Variants in ZNF268 observed in about 807,000 individuals in gnomAD.
The protein encoded by ZNF268 is zinc finger protein 3.
In ZNF268, 20 loss-of-function variants were observed where a neutral mutation model predicts 29.3. The observed-to-expected ratio is 0.68, with a 90% CI of 0.48 to 0.99. The LOEUF (loss-of-function observed/expected upper bound fraction) is 0.99. ZNF268 is among the 50% of genes least tolerant of loss of function. The pLI is 0.00. For missense variants in ZNF268, 1,240 were observed against 1,121.6 expected (o/e 1.11, Z -1.51); for synonymous variants, 429 against 376.9 (o/e 1.14, Z -1.60).
chr12:133,195,111 C>T (rs954637751), intron 5 of ZNF268, among the ~76,000 whole-genome samples: 6 of 152,238 alleles, frequency 3.9e-5, no homozygotes, highest in African/African-American at 1.2e-4. Context: ...CTGGTTTACA[C>T]TGTTGGCCTT....
intron 4 of ZNF268, 80 bp from the exon 5 acceptor site, chr12:133,191,828 A>C (rs1286537813): frequency 6.4e-7 from 1 of 1,561,754 alleles, no homozygotes; most frequent in Non-Finnish European, 8.8e-7. Flanking sequence ...GCTACCTCCA[A>C]ACCAAATCTT....
Position 133,211,275 on chromosome 12 carries a change from T to C in ZNF268, c.*6745T>C, listed in dbSNP as rs1289911331. On this transcript the variant is annotated 3_prime_UTR_variant, in exon 6 of 6. Coordinates refer to ENST00000536435, the MANE Select transcript of ZNF268 (RefSeq NM_003415.3). ...AAAAATGGGGACAGATCCAAATACA[T>C]ACTTTCCAAAGATATACAGATGGTG... 3.4e-5 allele frequency: 12 copies of C among 351,398 alleles called. No homozygotes were observed. The East Asian group carries it at 9.0e-4, about 26-fold the overall frequency. 21.8% of individuals were successfully genotyped at this position (351,398 alleles called of 1,614,324 possible). A position where few individuals can be genotyped will look rare whatever the true frequency, so the allele number is the denominator to read the frequency against.
chr12:133,189,789 AT>A (rs1445584921), intron 3 of ZNF268, among the ~76,000 whole-genome samples: 1 of 152,130 alleles, frequency 6.6e-6, no homozygotes, highest in African/African-American at 2.4e-5. Context: ...TTTAATAGAT[AT>A]GTAATAATTA....
Position 133,187,852 on chromosome 12 carries a change from AT to A in ZNF268, c.34-17del. Reference sequence around the variant, plus strand: ...AAGGAAATAATGCTCGCTAAAGTAAATTTGCTCTTGAGTCCACAGGTCCCAC... The same window carrying A: ...AAGGAAATAATGCTCGCTAAAGTAAATTGCTCTTGAGTCCACAGGTCCCAC... On this transcript the variant is annotated intron_variant, in intron 2 of 5. Coordinates refer to ENST00000536435, the MANE Select transcript of ZNF268 (RefSeq NM_003415.3). 6.4e-7 allele frequency: 1 copy of A among 1,568,208 alleles called. No homozygotes were observed. Among genetic ancestry groups the A allele is most frequent in the Non-Finnish European group, 8.7e-7 (1 of 1,155,906 alleles).
At position 133,211,024 on chromosome 12, in the gene ZNF268, G is replaced by C; in HGVS notation, c.*6494G>C. 3 of 455,970 alleles carry C rather than the reference G, an allele frequency of 6.6e-6. No homozygotes were observed. Among genetic ancestry groups the C allele is most frequent in the Non-Finnish European group, 1.3e-5 (3 of 226,780 alleles). 28.2% of individuals were successfully genotyped at this position (455,970 alleles called of 1,614,324 possible). A position where few individuals can be genotyped will look rare whatever the true frequency, so the allele number is the denominator to read the frequency against. ...TGCCATAATTTTGGAAAACGAAACTGAAATAGAGTCCATCATTCCATGCCT... is the reference window on the plus strand; with the variant it reads ...TGCCATAATTTTGGAAAACGAAACTCAAATAGAGTCCATCATTCCATGCCT... On this transcript the variant is annotated 3_prime_UTR_variant, in exon 6 of 6. Transcript: ENST00000536435.
In ZNF268 at chr12:133,202,537, C is replaced by A; in HGVS notation, c.851C>A (p.Ala284Asp). 1 of 1,611,638 alleles carries A rather than the reference C, an allele frequency of 6.2e-7. No individual in the cohort carries two copies. Among genetic ancestry groups the A allele is most frequent in the Non-Finnish European group, 8.5e-7 (1 of 1,178,792 alleles). ...KPFGCSCCEKAFSSKSYLLVH... is the reference protein window; with the variant it reads ...KPFGCSCCEKDFSSKSYLLVH... ...TTTGGATGCAGCTGTTGTGAGAAAG[C>A]CTTCAGCAGCAAGTCATACCTTCTA... The change falls in exon 6 of 6, where the codon GCC becomes GAC. Residue 284 changes from alanine to aspartate, a missense_variant. Ala to Asp is a moderately radical substitution (Grantham distance 126). Transcript: ENST00000536435.
At chr12:133,196,238 C>T (rs1302366910) in intron 5 of ZNF268, among the ~76,000 whole-genome samples, 2 of 126,474 alleles carry the variant, frequency 1.6e-5, no homozygotes. Context: ...AGGAGAATTG[C>T]TTGAACCTAG....
rs1956868527 is a variant in ZNF268 at position 133,205,143 on chromosome 12, C to CT, written c.*614dup. ...TTAACCTCACCTTAGAAGCTTCATTCTAAAAAAAAAAAAAAAAAAAAAAAA... is the reference window on the plus strand; with the variant it reads ...TTAACCTCACCTTAGAAGCTTCATTCTTAAAAAAAAAAAAAAAAAAAAAAAA... On this transcript the variant is annotated 3_prime_UTR_variant, in exon 6 of 6. Coordinates refer to ENST00000536435, the MANE Select transcript of ZNF268 (RefSeq NM_003415.3). 3.7e-5 allele frequency: 1 copy of CT among 27,076 alleles called. No homozygotes were observed. The highest frequency in any genetic ancestry group is 9.6e-5 in the African/African-American group (1 of 10,368). The allele number at this position is 27,076 out of a possible 1,614,324, so 1.7% of individuals were successfully genotyped here.
At position 133,204,235 on chromosome 12, in the gene ZNF268, G is replaced by A. The variant is rs1345176774; in HGVS notation, c.2549G>A (p.Arg850His). 28 of 1,542,532 alleles carry A rather than the reference G, an allele frequency of 1.8e-5. No homozygotes were observed. The highest frequency in any genetic ancestry group is 4.9e-5 in the East Asian group (2 of 41,008). ...GAGAAATCCTTCAGTGGGAAATTACGCCTTCTTGTACACCAGAGAATGCAC... is the reference window on the plus strand; with the variant it reads ...GAGAAATCCTTCAGTGGGAAATTACACCTTCTTGTACACCAGAGAATGCAC... ...QCEKSFSGKL[R>H]LLVHQRMHTR... Residue 850 changes from arginine (R) to histidine (H), a missense_variant, in exon 6 of 6, where the codon CGC becomes CAC. Coordinates refer to ENST00000536435, the MANE Select transcript of ZNF268 (RefSeq NM_003415.3).
At chr12:133,200,923 A>G (rs1057321065) in intron 5 of ZNF268, among the ~76,000 whole-genome samples, 9 of 152,142 alleles carry the variant, frequency 5.9e-5, no homozygotes, top group Admixed American at 3.3e-4. Flanking sequence ...CCTTCCCACC[A>G]TATACACACT....
intron 1 of ZNF268, 101 bp from the exon 2 acceptor site, chr12:133,181,845 C>T (rs1263743192): frequency 4.1e-6 from 3 of 735,072 alleles, no homozygotes; most frequent in Non-Finnish European, 4.7e-6. Context: ...GAAGGAGCCT[C>T]AGCTCCGAGA....
rs145674113 is a variant in ZNF268 at position 133,203,186 on chromosome 12, T to A, written c.1500T>A (p.Tyr500Ter). Residue 500 changes from tyrosine (Y) to a stop codon, truncating the protein, a stop_gained, in exon 6 of 6, where the codon TAT becomes TAA. Coordinates refer to ENST00000536435, the MANE Select transcript of ZNF268 (RefSeq NM_003415.3). LOFTEE classifies it low-confidence loss of function (END_TRUNC). ...GAAGTCACACAGGAATGAAACCTTA[T>A]GTATGCAATGAATGTGGCAAAGCCT... is the stretch of plus-strand genomic sequence containing the variant. ...HQRSHTGMKP[Y>*]VCNECGKAFR... The A allele has an allele frequency of 6.5e-7, 1 of 1,537,834 alleles. No individual in the cohort carries two copies. Among genetic ancestry groups the A allele is most frequent in the Non-Finnish European group, 8.7e-7 (1 of 1,146,832 alleles).
In ZNF268 at chr12:133,210,973, C is replaced by T. The variant is rs1484315992; in HGVS notation, c.*6443C>T. 2.2e-6 allele frequency: 1 copy of T among 455,908 alleles called. No homozygotes were observed. Among genetic ancestry groups the T allele is most frequent in the African/African-American group, 2.0e-5 (1 of 50,040 alleles). The allele number at this position is 455,908 out of a possible 1,614,324, so 28.2% of individuals were successfully genotyped here. ...CCCCTCTTGCAGTCCCAGTGAACCC[C>T]TGAAATTCAATCTTACGATTTTCCA... On this transcript the variant is annotated 3_prime_UTR_variant, in exon 6 of 6. Transcript: ENST00000536435.
intron 3 of ZNF268, among the ~76,000 whole-genome samples, chr12:133,188,472 C>T (rs73163697): frequency 0.078 from 11,856 of 152,214 alleles, 1,548 homozygotes; most frequent in African/African-American, 0.27. Context: ...GCTGGGATGA[C>T]AGTCATGAGC....
At chr12:133,194,024 A>G (rs1385642824) in intron 5 of ZNF268, among the ~76,000 whole-genome samples, 1 of 151,982 alleles carries the variant, frequency 6.6e-6, no homozygotes, top group African/African-American at 2.4e-5. Flanking sequence ...TGTTGTTAGC[A>G]TTTTGTTCCT....
At chr12:133,186,896 C>T (rs1033349028) in intron 2 of ZNF268, among the ~76,000 whole-genome samples, 4 of 152,196 alleles carry the variant, frequency 2.6e-5, no homozygotes, top group African/African-American at 9.7e-5. Flanking sequence ...AATCCCACTT[C>T]TTTTTTGTAA....
In ZNF268 at chr12:133,199,994, A is replaced by C. The variant is rs1172203086; in HGVS notation, c.458-2150A>C. Among the ~76,000 whole-genome samples, 11 of 152,066 alleles carry C rather than the reference A, an allele frequency of 7.2e-5. No individual in the cohort carries two copies. In the South Asian group the frequency reaches 1.2e-3, roughly 17 times the overall value. On this transcript the variant is annotated intron_variant, in intron 5 of 5. Transcript: ENST00000536435. ...AAAAAACCAGCTCCTGGATTCATTA[A>C]TTTTTTTGAAGGGTTTTTGTGTCTC...
rs896466372 is a variant in ZNF268, at chr12:133,205,763, A to T, written c.*1233A>T. ...ATCTATTCTACCTTCACAGGTTAGA[A>T]CATCTTGATTTCCTCTTAACGAAAC... is the stretch of plus-strand genomic sequence containing the variant. On this transcript the variant is annotated 3_prime_UTR_variant, in exon 6 of 6. Coordinates refer to ENST00000536435, the MANE Select transcript of ZNF268 (RefSeq NM_003415.3). The T allele has an allele frequency of 2.6e-5, 4 of 152,164 alleles. No homozygotes were observed. The highest frequency in any genetic ancestry group is 4.4e-5 in the Non-Finnish European group (3 of 68,026). The allele number at this position is 152,164 out of a possible 1,614,324, so 9.4% of individuals were successfully genotyped here. A position where few individuals can be genotyped will look rare whatever the true frequency, so the allele number is the denominator to read the frequency against.
intron 2 of ZNF268, among the ~76,000 whole-genome samples, chr12:133,183,859 AAAGT>A (rs1405434693): frequency 6.6e-6 from 1 of 152,218 alleles, no homozygotes; most frequent in Non-Finnish European, 1.5e-5. Context: ...GAACCCAAGA[AAAGT>A]AAGACAAAAT....
Sources: allele counts gnomAD v4.1 joint callset (sites outside exome capture counted in the v4.1 genomes callset), GRCh38; gene constraint gnomAD v4.1.1; transcripts MANE v1.5; gene names NCBI Gene and HGNC (gene_info 2026-07-23, HGNC 2026-07-21).